The following ACOXL variants were observed in gnomAD, a reference collection of about 807,000 sequenced individuals.
The protein encoded by ACOXL is acyl-CoA oxidase like, also known as acyl-coenzyme A oxidase-like protein.
A neutral mutation model predicts 71.9 loss-of-function variants in ACOXL; 70 were observed. The observed-to-expected ratio is 0.97, with a 90% CI of 0.80 to 1.19. The LOEUF (loss-of-function observed/expected upper bound fraction) is 1.19. Among genes scored for constraint, ACOXL ranks in the 50% most tolerant of loss-of-function variants. The pLI, the probability that ACOXL is intolerant of heterozygous loss-of-function variation, is 0.00. For missense variants in ACOXL, 703 were observed against 736.3 expected (o/e 0.95, Z 0.52); for synonymous variants, 253 against 281.6 (o/e 0.90, Z 1.02).
chr2:110,829,201 G>C (rs571691722), intron 9 of ACOXL, among the ~76,000 whole-genome samples: 2 of 152,272 alleles, frequency 1.3e-5, no homozygotes, highest in Non-Finnish European at 2.9e-5. Context: ...TCGTTGTTTC[G>C]TGACTTTTCT....
intron 9 of ACOXL, among the ~76,000 whole-genome samples, chr2:110,810,472 C>T (rs191730055): frequency 6.6e-6 from 1 of 152,204 alleles, no homozygotes; most frequent in Admixed American, 6.5e-5. Context: ...ACCACCTGTC[C>T]GTCTGTGTCC....
intron 1 of ACOXL, among the ~76,000 whole-genome samples, chr2:110,744,621 C>T (rs1386240447): frequency 6.6e-6 from 1 of 152,202 alleles, no homozygotes; most frequent in Non-Finnish European, 1.5e-5. Context: ...ACTCCTCCCA[C>T]ACTTTGCCAT....
At chr2:110,785,560 T>C (rs531223617) in intron 3 of ACOXL, among the ~76,000 whole-genome samples, 1 of 152,212 alleles carries the variant, frequency 6.6e-6, no homozygotes, top group East Asian at 1.9e-4. Context: ...AATCTGTTGT[T>C]CTCCATCTCT....
At chr2:110,973,322 G>C (rs1357196864) in intron 12 of ACOXL, among the ~76,000 whole-genome samples, 3 of 152,200 alleles carry the variant, frequency 2.0e-5, no homozygotes, top group Admixed American at 6.5e-5. Context: ...GAATGTTTAT[G>C]TCTTTCCATG....
intron 9 of ACOXL, among the ~76,000 whole-genome samples, chr2:110,822,142 T>A (rs1432145362): frequency 3.9e-5 from 6 of 152,178 alleles, no homozygotes; most frequent in Admixed American, 6.5e-5. Context: ...GGTGTTTCCT[T>A]CGTGGCTGGG....
At chr2:110,841,467 T>G (rs1691170538) in intron 10 of ACOXL, 62 bp downstream of exon 10, 11 of 1,392,556 alleles carry the variant, frequency 7.9e-6, no homozygotes, top group Non-Finnish European at 1.1e-5. Context: ...GCTCTTGGTT[T>G]GCTTATGTCT....
intron 10 of ACOXL, among the ~76,000 whole-genome samples, chr2:110,848,369 C>A (rs765488733): frequency 6.6e-6 from 1 of 152,204 alleles, no homozygotes; most frequent in Non-Finnish European, 1.5e-5. Flanking sequence ...AATTATTCAA[C>A]CCCAATGGTA....
chr2:110,996,258 A>T (rs1301934455), intron 14 of ACOXL, among the ~76,000 whole-genome samples: 1 of 152,138 alleles, frequency 6.6e-6, no homozygotes, highest in Non-Finnish European at 1.5e-5. Flanking sequence ...ATGGGAGTTG[A>T]TGAGTGGTGT....
intron 15 of ACOXL, among the ~76,000 whole-genome samples, chr2:111,047,441 G>C (rs1017604438): frequency 6.6e-6 from 1 of 152,152 alleles, no homozygotes; most frequent in Admixed American, 6.5e-5. Context: ...ACCTTAAAAA[G>C]GTGATCTAAA....
At chr2:110,819,246 C>T (rs1393623872) in intron 9 of ACOXL, among the ~76,000 whole-genome samples, 1 of 152,180 alleles carries the variant, frequency 6.6e-6, no homozygotes, top group African/African-American at 2.4e-5. Context: ...ATTTGGTTGC[C>T]TTGCTAAAGA....
chr2:110,807,049 A>T (rs1046957955), intron 9 of ACOXL, among the ~76,000 whole-genome samples: 1 of 152,226 alleles, frequency 6.6e-6, no homozygotes, highest in African/African-American at 2.4e-5. Flanking sequence ...GGATGTTATC[A>T]TGGACCAGCC....
At chr2:110,968,222 A>G in intron 12 of ACOXL, 1 of 1,072,982 alleles carries the variant, frequency 9.3e-7, no homozygotes, top group South Asian at 1.2e-5. Flanking sequence ...GGCAATGAAT[A>G]CAATGTGGAA....
At chr2:110,992,407 G>A (rs1397518785) in intron 13 of ACOXL, among the ~76,000 whole-genome samples, 2 of 152,216 alleles carry the variant, frequency 1.3e-5, no homozygotes, top group Non-Finnish European at 2.9e-5. Flanking sequence ...GCAGTTACTA[G>A]GGGCTCTGTC....
chr2:110,868,555 A>G (rs935141835), intron 10 of ACOXL, among the ~76,000 whole-genome samples: 6 of 152,046 alleles, frequency 3.9e-5, no homozygotes, highest in African/African-American at 1.4e-4. Context: ...TAGTACACAC[A>G]TCTTATTCAT....
intron 1 of ACOXL, among the ~76,000 whole-genome samples, chr2:110,748,358 G>C (rs1349828688): frequency 6.6e-6 from 1 of 152,134 alleles, no homozygotes; most frequent in Non-Finnish European, 1.5e-5. Context: ...GATGCAGGGG[G>C]GTGGATTGGA....
chr2:110,783,631 G>A (rs920471974), intron 2 of ACOXL, among the ~76,000 whole-genome samples: 12 of 151,644 alleles, frequency 7.9e-5, no homozygotes, highest in African/African-American at 1.7e-4. Flanking sequence ...ACACACACTT[G>A]CACACACACG....
chr2:110,810,142 G>A (rs1687132054), intron 9 of ACOXL, among the ~76,000 whole-genome samples: 1 of 152,190 alleles, frequency 6.6e-6, no homozygotes, highest in South Asian at 2.1e-4. Context: ...TTCCTCCTGA[G>A]CAGAAGGTTA....
intron 16 of ACOXL, among the ~76,000 whole-genome samples, chr2:111,074,364 T>A (rs940720259): frequency 6.6e-6 from 1 of 152,218 alleles, no homozygotes; most frequent in Non-Finnish European, 1.5e-5. Context: ...GTGTTCAGCC[T>A]TTTGCAACTA....
intron 10 of ACOXL, among the ~76,000 whole-genome samples, chr2:110,843,535 G>C (rs1691437523): frequency 6.6e-6 from 1 of 152,192 alleles, no homozygotes; most frequent in Admixed American, 6.5e-5. Flanking sequence ...GATCCTGGCG[G>C]CTTCAGATTG....
Sources: allele counts gnomAD v4.1 joint callset (sites outside exome capture counted in the v4.1 genomes callset), GRCh38; gene constraint gnomAD v4.1.1; transcripts MANE v1.5; gene names NCBI Gene and HGNC (gene_info 2026-07-23, HGNC 2026-07-21).